MAP2K5: variants seen among roughly 807,000 people sequenced by gnomAD.
The protein encoded by MAP2K5 is mitogen-activated protein kinase kinase 5.
In MAP2K5, 49 loss-of-function variants were observed where a neutral mutation model predicts 83.1. That is an observed-to-expected ratio of 0.59 (90% confidence interval 0.47 to 0.75). MAP2K5 has a LOEUF of 0.75. Ranked by LOEUF, MAP2K5 falls within the 30% of genes least tolerant of loss-of-function variation. The pLI, the probability that MAP2K5 is intolerant of heterozygous loss-of-function variation, is 0.00. For synonymous variants in MAP2K5, 202 were observed against 191.8 expected (o/e 1.05, Z -0.44); for missense variants, 457 against 557.5 (o/e 0.82, Z 1.82).
rs1341142059 is a variant in MAP2K5 at position 67,781,985 on chromosome 15, AC to A, written c.1242+9234del. 2.0e-5 allele frequency among the ~76,000 whole-genome samples: 3 copies of A among 152,244 alleles called. No individual in the cohort carries two copies. Among genetic ancestry groups the A allele is most frequent in the African/African-American group, 7.2e-5 (3 of 41,466 alleles). On this transcript the variant is annotated intron_variant, in intron 21 of 21. Coordinates refer to ENST00000178640, the MANE Select transcript of MAP2K5 (RefSeq NM_145160.3). The surrounding 1 kb of genome is among the most constrained non-coding windows in gnomAD (Gnocchi z 4.0). ...TGGTGATTGACAGCATTTGATTATGACAGTAACTTTATTTGGCTGGACTGCT... is the reference window on the plus strand; with the variant it reads ...TGGTGATTGACAGCATTTGATTATGAAGTAACTTTATTTGGCTGGACTGCT...
chr15:67,792,497 CG>C (rs1007042519), intron 21 of MAP2K5, among the ~76,000 whole-genome samples: 4 of 152,094 alleles, frequency 2.6e-5, no homozygotes, highest in African/African-American at 7.2e-5. Context: ...ATCTAATTTT[CG>C]GGGTTGACAC....
At chr15:67,591,229 C>T (rs2085401946) in intron 6 of MAP2K5, among the ~76,000 whole-genome samples, 1 of 151,634 alleles carries the variant, frequency 6.6e-6, no homozygotes, top group African/African-American at 2.4e-5. Context: ...CCTGTAGTCC[C>T]AGCTACTTGG....
At chr15:67,556,485 GT>G (rs35602538) in intron 2 of MAP2K5, among the ~76,000 whole-genome samples, 1 of 150,454 alleles carries the variant, frequency 6.6e-6, no homozygotes, top group East Asian at 1.9e-4. Flanking sequence ...CGTATTGTGG[GT>G]TTTTATAAAA....
chr15:67,544,108 C>G (rs931354220), intron 1 of MAP2K5, among the ~76,000 whole-genome samples: 2 of 152,206 alleles, frequency 1.3e-5, no homozygotes, highest in African/African-American at 4.8e-5. Context: ...CCATGTTGCC[C>G]AGGCTGGTCT....
At position 67,748,423 on chromosome 15, in the gene MAP2K5, T is replaced by C. The variant is rs28730808; in HGVS notation, c.1102-146T>C. ...AGGTACCATTAGAAATAATAGAACC[T>C]CCTGAGCATCAATGTTTTTATAAGA... On this transcript the variant is annotated intron_variant, in intron 18 of 21. Coordinates refer to ENST00000178640, the MANE Select transcript of MAP2K5 (RefSeq NM_145160.3). The surrounding 1 kb of genome is among the most constrained non-coding windows in gnomAD (Gnocchi z 4.0). 0.017 allele frequency: 13,690 copies of C among 822,400 alleles called. 191 individuals carry two copies. The highest frequency in any genetic ancestry group is 0.018 in the Non-Finnish European group (9,218 of 507,040). 50.9% of individuals were successfully genotyped at this position (822,400 alleles called of 1,614,324 possible).
At chr15:67,593,264 G>C (rs112405785) in intron 7 of MAP2K5, among the ~76,000 whole-genome samples, 9 of 152,276 alleles carry the variant, frequency 5.9e-5, no homozygotes, top group African/African-American at 2.2e-4. Context: ...TGTTGAAATG[G>C]CCCTGCATTC....
In MAP2K5 at chr15:67,644,249, C is replaced by T. The variant is rs2141115208; in HGVS notation, c.586-1982C>T. Among the ~76,000 whole-genome samples, 1 of 152,208 alleles carries T rather than the reference C, an allele frequency of 6.6e-6. No homozygotes were observed. Among genetic ancestry groups the T allele is most frequent in the South Asian group, 2.1e-4 (1 of 4,812 alleles). On this transcript the variant is annotated intron_variant, in intron 9 of 21. Transcript: ENST00000178640. This position sits in a 1 kb window ranked among gnomAD's most constrained non-coding sequence, Gnocchi z 4.6. ...TCTGCGCTAAAAATAGAAAAATCAA[C>T]CGGGTGTGGTGGCAGGTGCCTGTAA...
intron 8 of MAP2K5, among the ~76,000 whole-genome samples, chr15:67,624,338 CAA>C (rs755739176): frequency 3.8e-5 from 3 of 78,336 alleles, no homozygotes; most frequent in African/African-American, 1.1e-4. Flanking sequence ...GACTCCGTCT[CAA>C]AAAAAAAAAA....
At chr15:67,732,738 T>G (rs2089249259) in intron 17 of MAP2K5, among the ~76,000 whole-genome samples, 1 of 152,122 alleles carries the variant, frequency 6.6e-6, no homozygotes, top group African/African-American at 2.4e-5. Flanking sequence ...CTGCTCCATA[T>G]GGAGCTCCAG....
chr15:67,768,208 A>G lies in MAP2K5; in HGVS notation c.1135-1394A>G, dbSNP rs1047700164. 4.6e-5 allele frequency among the ~76,000 whole-genome samples: 7 copies of G among 152,142 alleles called. No homozygotes were observed. The highest frequency in any genetic ancestry group is 1.0e-4 in the Non-Finnish European group (7 of 68,034). On this transcript the variant is annotated intron_variant, in intron 19 of 21. Coordinates refer to ENST00000178640, the MANE Select transcript of MAP2K5 (RefSeq NM_145160.3). The surrounding 1 kb of genome is among the most constrained non-coding windows in gnomAD (Gnocchi z 4.0). ...GTTCTAGTTAATTTTCTGTCTTGTA[A>G]TTACCGATCTCATTTTTCTGATAAT...
At chr15:67,787,111 T>C (rs1041097413) in intron 21 of MAP2K5, among the ~76,000 whole-genome samples, 15 of 151,410 alleles carry the variant, frequency 9.9e-5, no homozygotes, top group Admixed American at 9.9e-4. Flanking sequence ...AGCAGGGAAG[T>C]GGCTGTTCAA....
chr15:67,687,387 ATTG>A (rs113293372), intron 13 of MAP2K5, among the ~76,000 whole-genome samples: 1,528 of 152,280 alleles, frequency 0.01, 28 homozygotes, highest in African/African-American at 0.035. Flanking sequence ...AAACATCCCT[ATTG>A]TTCAGAAAGA....
intron 8 of MAP2K5, among the ~76,000 whole-genome samples, chr15:67,617,844 C>G (rs553712887): frequency 6.6e-6 from 1 of 152,190 alleles, no homozygotes; most frequent in South Asian, 2.1e-4. Context: ...GCATGTGCCA[C>G]CATGCCCAGC....
rs1362395546 is a variant in MAP2K5, at chr15:67,702,140, T to C, written c.973-1197T>C. On this transcript the variant is annotated intron_variant, in intron 15 of 21. Coordinates refer to ENST00000178640, the MANE Select transcript of MAP2K5 (RefSeq NM_145160.3). This position sits in a 1 kb window ranked among gnomAD's most constrained non-coding sequence, Gnocchi z 4.6. The stretch of plus-strand genomic sequence containing the variant: ...GATAGCTATTACTATCCTTCTTTTA[T>C]AGTGGATACAGCACTCATAATGGTT... Among the ~76,000 whole-genome samples, 2 of 152,234 alleles carry C rather than the reference T, an allele frequency of 1.3e-5. No individual in the cohort carries two copies. Among genetic ancestry groups the C allele is most frequent in the Admixed American group, 6.5e-5 (1 of 15,286 alleles).
chr15:67,693,526 T>C lies in MAP2K5; in HGVS notation c.930T>C (p.Asn310=). 1 of 1,611,708 alleles carries C rather than the reference T, an allele frequency of 6.2e-7. No homozygotes were observed. Among genetic ancestry groups the C allele is most frequent in the Non-Finnish European group, 8.5e-7 (1 of 1,178,550 alleles). ...CDFGVSTQLV[N]SIAKTYVGTN... Reference sequence around the variant, plus strand: ...ACTGTTTTGTCTCATAGCTGGTGAATTCTATAGCCAAGACGTATGTTGGAA... The same window carrying C: ...ACTGTTTTGTCTCATAGCTGGTGAACTCTATAGCCAAGACGTATGTTGGAA... Residue 310 remains asparagine (N), a synonymous_variant, in exon 15 of 22, where the codon AAT becomes AAC. Coordinates refer to ENST00000178640, the MANE Select transcript of MAP2K5 (RefSeq NM_145160.3).
chr15:67,605,450 T>TG (rs2085759270), intron 8 of MAP2K5, among the ~76,000 whole-genome samples: 1 of 152,238 alleles, frequency 6.6e-6, no homozygotes, highest in Non-Finnish European at 1.5e-5. Context: ...ATTATACTTC[T>TG]GTATTTTCTT....
chr15:67,764,785 T>C lies in MAP2K5; in HGVS notation c.1135-4817T>C, dbSNP rs955748803. On this transcript the variant is annotated intron_variant, in intron 19 of 21. Transcript: ENST00000178640. The surrounding 1 kb of genome is among the most constrained non-coding windows in gnomAD (Gnocchi z 4.9). ...CCCTGTCACCTTTAATTATGAATTA[T>C]AGGCAAAAATGTAGTCCTAAGGAAT... Among the ~76,000 whole-genome samples the C allele has an allele frequency of 2.0e-5, 3 of 152,176 alleles. No individual in the cohort carries two copies. The highest frequency in any genetic ancestry group is 7.2e-5 in the African/African-American group (3 of 41,434).
rs370818316 is a variant in MAP2K5 at position 67,545,868 on chromosome 15, GTGT to G, written c.135+2403_135+2405del. Among the ~76,000 whole-genome samples, 370 of 152,332 alleles carry G rather than the reference GTGT, an allele frequency of 2.4e-3. 2 individuals carry two copies. The highest frequency in any genetic ancestry group is 3.3e-3 in the Non-Finnish European group (222 of 68,032). On this transcript the variant is annotated intron_variant, in intron 1 of 21. Transcript: ENST00000178640. ...TTAGCACATAGTAAGCGCTCCATTAGTGTTGTTATTATTGATGGGATTGTTATT... is the reference window on the plus strand; with the variant it reads ...TTAGCACATAGTAAGCGCTCCATTAGTGTTATTATTGATGGGATTGTTATT...
chr15:67,610,714 A>G (rs970980627), intron 8 of MAP2K5, among the ~76,000 whole-genome samples: 11 of 152,274 alleles, frequency 7.2e-5, no homozygotes, highest in South Asian at 2.1e-4. Context: ...TGATTTGTAC[A>G]CTAACGTTGA....
Sources: allele counts gnomAD v4.1 joint callset (sites outside exome capture counted in the v4.1 genomes callset), GRCh38; gene constraint gnomAD v4.1.1; non-coding constraint Gnocchi (gnomAD v3.1); transcripts MANE v1.5; gene names NCBI Gene and HGNC (gene_info 2026-07-23, HGNC 2026-07-21).